The following NCKAP5 variants were observed in gnomAD, a reference collection of about 807,000 sequenced individuals.
NCKAP5 encodes NCK associated protein 5, also known as nck-associated protein 5.
A neutral mutation model predicts 167.0 loss-of-function variants in NCKAP5; 92 were observed. The ratio of observed to expected loss-of-function variants is 0.55; its 90% CI spans 0.47 to 0.66. The LOEUF is 0.66. Among genes scored for constraint, NCKAP5 ranks in the 30% least tolerant of loss-of-function variants. The pLI is 0.00. For missense variants in NCKAP5, 2,378 were observed against 2,315.0 expected (o/e 1.03, Z -0.56); for synonymous variants, 891 against 877.4 (o/e 1.02, Z -0.27).
chr2:132,677,552 A>T (rs1300944572), intron 19 of NCKAP5, among the ~76,000 whole-genome samples: 2 of 152,066 alleles, frequency 1.3e-5, no homozygotes, highest in Non-Finnish European at 2.9e-5. Context: ...ATGGTTTTGA[A>T]GGGCAAATAG....
intron 15 of NCKAP5, among the ~76,000 whole-genome samples, chr2:132,776,324 C>T (rs556713644): frequency 9.2e-5 from 14 of 152,144 alleles, no homozygotes; most frequent in Non-Finnish European, 1.9e-4. Flanking sequence ...TTACCTGTTC[C>T]GTGCCCCTTC....
intron 5 of NCKAP5, among the ~76,000 whole-genome samples, chr2:133,132,331 C>G (rs2082633312): frequency 1.3e-5 from 2 of 151,132 alleles, no homozygotes; most frequent in South Asian, 4.2e-4. Context: ...AAAACAGCAT[C>G]CCTCCTTCCT....
At chr2:133,076,793 A>T (rs1380446586) in intron 6 of NCKAP5, among the ~76,000 whole-genome samples, 1 of 152,158 alleles carries the variant, frequency 6.6e-6, no homozygotes, top group East Asian at 1.9e-4. Context: ...CTTCAGGTCC[A>T]CGTACAAGGA....
intron 3 of NCKAP5, among the ~76,000 whole-genome samples, chr2:133,466,929 T>C (rs1334491928): frequency 6.6e-6 from 1 of 152,358 alleles, no homozygotes; most frequent in East Asian, 1.9e-4. Flanking sequence ...ATGGGTTTTC[T>C]AGATATACAA....
chr2:132,829,305 C>G (rs1383118020), intron 11 of NCKAP5, among the ~76,000 whole-genome samples: 2 of 152,064 alleles, frequency 1.3e-5, no homozygotes, highest in Non-Finnish European at 2.9e-5. Context: ...AAGATGGGAG[C>G]AGCAACGCCT....
rs190069864 is a variant in NCKAP5 at position 133,539,034 on chromosome 2, G to A, written c.-62+20016C>T. 3.5e-4 allele frequency among the ~76,000 whole-genome samples: 49 copies of A among 141,850 alleles called. No individual in the cohort carries two copies. In the East Asian group the frequency reaches 7.2e-3, roughly 21 times the overall value. The allele number at this position is 141,850 out of a possible 152,430, so 93.1% of individuals were successfully genotyped here. A position where few individuals can be genotyped will look rare whatever the true frequency, so the allele number is the denominator to read the frequency against. On this transcript the variant is annotated intron_variant, in intron 2 of 19. Transcript: ENST00000409261. ...CGACTCACTGCAAGCTCCGCCTCCC[G>A]GGTTCACGCCATTCTCCTGCCTCAG...
chr2:133,501,986 A>G (rs1682560027), intron 3 of NCKAP5, among the ~76,000 whole-genome samples: 1 of 152,182 alleles, frequency 6.6e-6, no homozygotes, highest in Admixed American at 6.5e-5. Flanking sequence ...GAAATACTCA[A>G]CATGTAGTCT....
Position 132,782,681 on chromosome 2 carries a change from T to C in NCKAP5, c.4130A>G (p.Glu1377Gly), listed in dbSNP as rs770571240. 1 of 1,613,732 alleles carries C rather than the reference T, an allele frequency of 6.2e-7. No homozygotes were observed. The highest frequency in any genetic ancestry group is 8.5e-7 in the Non-Finnish European group (1 of 1,179,770). ...CTTTCCAGGTGGGATGAGGAGTCCC[T>C]CAGACTTTGGAGGGATCCTCAAAGG... ...KLPLRIPPKS[E>G]GLLIPPGKED... The change falls in exon 14 of 20, where the codon GAG becomes GGG. Residue 1377 changes from glutamate (E) to glycine (G), a missense_variant. By Grantham distance (98) the Glu-to-Gly change is moderately conservative. Transcript: ENST00000409261.
intron 3 of NCKAP5, among the ~76,000 whole-genome samples, chr2:133,498,441 A>AGGAAGGAAGGAG (rs1682145181): frequency 9.4e-6 from 1 of 106,598 alleles, no homozygotes; most frequent in Non-Finnish European, 1.8e-5. Flanking sequence ...AACGGAAGGA[A>AGGAAGGAAGGAG]GGAAGGAAGG....
chr2:133,562,047 A>T (rs993200834), intron 1 of NCKAP5, among the ~76,000 whole-genome samples: 2 of 152,138 alleles, frequency 1.3e-5, no homozygotes, highest in African/African-American at 4.8e-5. Flanking sequence ...TCTGGGAGGT[A>T]CAAAAAGATA....
chr2:133,145,246 T>G (rs893282225), intron 5 of NCKAP5, among the ~76,000 whole-genome samples: 2 of 152,082 alleles, frequency 1.3e-5, no homozygotes, highest in African/African-American at 4.8e-5. Flanking sequence ...ACCAAAAGTT[T>G]TATATTTACT....
At chr2:133,241,109 G>A (rs1164477543) in intron 4 of NCKAP5, among the ~76,000 whole-genome samples, 1 of 152,194 alleles carries the variant, frequency 6.6e-6, no homozygotes, top group Non-Finnish European at 1.5e-5. Context: ...TCTTTAGAGA[G>A]CAAGTTAAAC....
intron 5 of NCKAP5, among the ~76,000 whole-genome samples, chr2:133,178,688 G>A (rs12105099): frequency 0.094 from 14,260 of 151,272 alleles, 788 homozygotes; most frequent in Non-Finnish European, 0.11. Flanking sequence ...AGCCAGGCGC[G>A]GTGGCGGGCA....
At chr2:133,011,141 C>T (rs2078145517) in intron 6 of NCKAP5, among the ~76,000 whole-genome samples, 1 of 152,152 alleles carries the variant, frequency 6.6e-6, no homozygotes, top group Non-Finnish European at 1.5e-5. Flanking sequence ...CACAGATACA[C>T]ACAACATTAT....
rs542775474 is a variant in NCKAP5, at chr2:133,104,982, C to T, written c.341+24996G>A. On this transcript the variant is annotated intron_variant, in intron 6 of 19. Coordinates refer to ENST00000409261, the MANE Select transcript of NCKAP5 (RefSeq NM_207363.3). ...AGGATTTTACAGCCTTCCTGCCATG[C>T]GCCTGCTCACACTCTCTCCCGCTAA... Among the ~76,000 whole-genome samples the T allele has an allele frequency of 5.3e-5, 8 of 152,304 alleles. No homozygotes were observed. The South Asian group carries it at 6.2e-4, about 12-fold the overall frequency.
At chr2:132,691,997 T>C (rs1686785522) in intron 19 of NCKAP5, among the ~76,000 whole-genome samples, 1 of 152,186 alleles carries the variant, frequency 6.6e-6, no homozygotes, top group Non-Finnish European at 1.5e-5. Context: ...TTCTTTCCTT[T>C]CTTTACCTCT....
At chr2:132,874,185 T>C (rs980861332) in intron 9 of NCKAP5, among the ~76,000 whole-genome samples, 1 of 147,386 alleles carries the variant, frequency 6.8e-6, no homozygotes, top group Non-Finnish European at 1.5e-5. Context: ...CTCAGCTCAC[T>C]GCGACCTTCA....
intron 19 of NCKAP5, among the ~76,000 whole-genome samples, chr2:132,690,504 C>T (rs1194457614): frequency 6.6e-6 from 1 of 152,198 alleles, no homozygotes; most frequent in African/African-American, 2.4e-5. Context: ...AGTAATGTTT[C>T]TGTGACCAGG....
chr2:133,018,541 T>C (rs2078422170), intron 6 of NCKAP5, among the ~76,000 whole-genome samples: 1 of 152,208 alleles, frequency 6.6e-6, no homozygotes, highest in African/African-American at 2.4e-5. Context: ...GTGTTCTGAC[T>C]CCTAGAACAG....
Sources: allele counts gnomAD v4.1 joint callset (sites outside exome capture counted in the v4.1 genomes callset), GRCh38; gene constraint gnomAD v4.1.1; transcripts MANE v1.5; gene names NCBI Gene and HGNC (gene_info 2026-07-23, HGNC 2026-07-21).